The following CACNA2D3 variants were observed in gnomAD, a reference collection of about 807,000 sequenced individuals.
The protein encoded by CACNA2D3 is voltage-dependent calcium channel subunit alpha-2/delta-3.
In CACNA2D3, 60 loss-of-function variants were observed where a neutral mutation model predicts 160.6. The ratio of observed to expected loss-of-function variants is 0.37; its 90% confidence interval spans 0.30 to 0.46. CACNA2D3 has a LOEUF of 0.46. Among genes scored for constraint, CACNA2D3 ranks in the 20% least tolerant of loss-of-function variants. The probability of loss-of-function intolerance (pLI) is 1.00; values close to 1 mark genes in which losing one functional copy is unlikely to be tolerated. For synonymous variants in CACNA2D3, 558 were observed against 492.9 expected, an observed-to-expected ratio of 1.13 and a Z score of -1.75; for missense variants, 1,205 against 1,365.0, an observed-to-expected ratio of 0.88 and a Z score of 1.85.
intron 27 of CACNA2D3, among the ~76,000 whole-genome samples, chr3:54,947,832 C>G (rs1251830622): frequency 6.6e-6 from 1 of 152,136 alleles, no homozygotes; most frequent in East Asian, 1.9e-4. Flanking sequence ...CAGGAAGCAT[C>G]CATGTAAATG....
At chr3:55,043,282 A>ATTCC (rs543334083) in intron 35 of CACNA2D3, among the ~76,000 whole-genome samples, 11 of 150,536 alleles carry the variant, frequency 7.3e-5, no homozygotes, top group East Asian at 5.9e-4. Flanking sequence ...GGTATTATTC[A>ATTCC]TTCCTTCCTT....
At chr3:54,219,674 G>A (rs1577006760) in intron 2 of CACNA2D3, among the ~76,000 whole-genome samples, 3 of 152,008 alleles carry the variant, frequency 2.0e-5, no homozygotes, top group Admixed American at 2.0e-4. Context: ...CCCTGCATAA[G>A]CATTTTGGGC....
At chr3:54,739,662 G>C (rs534772184) in intron 11 of CACNA2D3, among the ~76,000 whole-genome samples, 8 of 151,882 alleles carry the variant, frequency 5.3e-5, no homozygotes, top group Non-Finnish European at 1.0e-4. Context: ...GTCCAAGATT[G>C]CATGTGTCCT....
At position 54,291,256 on chromosome 3, in the gene CACNA2D3, C is replaced by T. The variant is rs140106236; in HGVS notation, c.205-29186C>T. Among the ~76,000 whole-genome samples the T allele has an allele frequency of 3.8e-4, 58 of 152,204 alleles. No individual in the cohort carries two copies. The East Asian group carries it at 4.1e-3, about 11-fold the overall frequency. Reference sequence around the variant, plus strand: ...TTGTTTAATAAAGAAAATAAAAATTCGTGTCTCCACCATCACCACACAAAT... The same window carrying T: ...TTGTTTAATAAAGAAAATAAAAATTTGTGTCTCCACCATCACCACACAAAT... On this transcript the variant is annotated intron_variant, in intron 2 of 37. Transcript: ENST00000474759.
intron 9 of CACNA2D3, among the ~76,000 whole-genome samples, chr3:54,604,995 A>G (rs899229920): frequency 2.0e-5 from 3 of 152,212 alleles, no homozygotes; most frequent in African/African-American, 7.2e-5. Context: ...AATTGTCAGC[A>G]GAGCCAAGCT....
At chr3:54,136,857 G>A (rs555038247) in intron 2 of CACNA2D3, among the ~76,000 whole-genome samples, 6 of 152,328 alleles carry the variant, frequency 3.9e-5, no homozygotes, top group Admixed American at 6.5e-5. Context: ...ATCTGCATGT[G>A]AACAGACATC....
At chr3:54,540,916 T>G (rs1326091445) in intron 5 of CACNA2D3, among the ~76,000 whole-genome samples, 1 of 152,160 alleles carries the variant, frequency 6.6e-6, no homozygotes, top group East Asian at 1.9e-4. Context: ...ATGTAACTAG[T>G]TAAGGATCTT....
At chr3:54,813,545 G>T (rs1703379757) in intron 13 of CACNA2D3, among the ~76,000 whole-genome samples, 3 of 152,162 alleles carry the variant, frequency 2.0e-5, no homozygotes, top group African/African-American at 7.2e-5. Context: ...TAACATGGTG[G>T]TGGGGGGTGT....
chr3:54,842,780 T>C (rs1379158117), intron 16 of CACNA2D3, among the ~76,000 whole-genome samples: 2 of 151,424 alleles, frequency 1.3e-5, no homozygotes, highest in African/African-American at 4.9e-5. Flanking sequence ...TTTGTATTTT[T>C]AGTAGAGATG....
intron 2 of CACNA2D3, among the ~76,000 whole-genome samples, chr3:54,230,644 C>G (rs1444712795): frequency 6.6e-6 from 1 of 152,184 alleles, no homozygotes; most frequent in African/African-American, 2.4e-5. Flanking sequence ...GTTATACTTA[C>G]AGCTCAAGAA....
intron 3 of CACNA2D3, among the ~76,000 whole-genome samples, chr3:54,383,545 G>GA (rs1699141067): frequency 6.6e-6 from 1 of 152,124 alleles, no homozygotes; most frequent in South Asian, 2.1e-4. Context: ...GAGAATGATG[G>GA]AAAAAATATC....
At chr3:54,160,111 T>C (rs1424763631) in intron 2 of CACNA2D3, among the ~76,000 whole-genome samples, 1 of 152,250 alleles carries the variant, frequency 6.6e-6, no homozygotes, top group East Asian at 1.9e-4. Flanking sequence ...ATTCATTCTC[T>C]TCTGGCAGTG....
At chr3:55,036,675 C>G (rs906747332) in intron 35 of CACNA2D3, among the ~76,000 whole-genome samples, 21 of 151,846 alleles carry the variant, frequency 1.4e-4, no homozygotes, top group Middle Eastern at 3.4e-3. Flanking sequence ...ACCATATTGG[C>G]CAGGCTGGTC....
chr3:54,144,126 G>A (rs1388964868), intron 2 of CACNA2D3, among the ~76,000 whole-genome samples: 1 of 152,200 alleles, frequency 6.6e-6, no homozygotes, highest in Non-Finnish European at 1.5e-5. Context: ...GCTGAAAACT[G>A]AAATCAGATT....
At chr3:54,276,050 A>T (rs905027400) in intron 2 of CACNA2D3, among the ~76,000 whole-genome samples, 1 of 152,304 alleles carries the variant, frequency 6.6e-6, no homozygotes, top group South Asian at 2.1e-4. Flanking sequence ...GTTATTAAAA[A>T]TCAGGGTTGG....
At chr3:54,351,040 G>A (rs1698555361) in intron 3 of CACNA2D3, among the ~76,000 whole-genome samples, 1 of 137,432 alleles carries the variant, frequency 7.3e-6, no homozygotes, top group South Asian at 2.4e-4. Flanking sequence ...CCAGGCTGGA[G>A]GCGCGATCTC....
At chr3:54,514,677 G>T (rs1204716141) in intron 5 of CACNA2D3, among the ~76,000 whole-genome samples, 1 of 152,140 alleles carries the variant, frequency 6.6e-6, no homozygotes, top group African/African-American at 2.4e-5. Flanking sequence ...AGCTCAGCCT[G>T]GGTGAACTGG....
intron 5 of CACNA2D3, among the ~76,000 whole-genome samples, chr3:54,537,511 C>T (rs1701907917): frequency 6.6e-6 from 1 of 152,050 alleles, no homozygotes; most frequent in African/African-American, 2.4e-5. Context: ...ACAGCTCCAC[C>T]ATGGTTGTAT....
At chr3:54,876,449 A>G (rs754306985) in intron 18 of CACNA2D3, 3 of 152,228 alleles carry the variant, frequency 2.0e-5, no homozygotes, top group Non-Finnish European at 4.4e-5. Context: ...TCAACCCTAG[A>G]TCATAGTACT....
Sources: allele counts gnomAD v4.1 joint callset (sites outside exome capture counted in the v4.1 genomes callset), GRCh38; gene constraint gnomAD v4.1.1; transcripts MANE v1.5; gene names NCBI Gene and HGNC (gene_info 2026-07-23, HGNC 2026-07-21).